The following C12orf42 variants were observed in gnomAD, a reference collection of about 807,000 sequenced individuals.
The protein encoded by C12orf42 is chromosome 12 open reading frame 42.
Under a neutral mutation model 21.6 loss-of-function variants are expected in C12orf42, and 25 were observed. The ratio of observed to expected loss-of-function variants is 1.16; its 90% confidence interval spans 0.84 to 1.62. The LOEUF (loss-of-function observed/expected upper bound fraction) is 1.62, where lower values mean the gene tolerates loss of function less well. Among genes scored for constraint, C12orf42 ranks in the 40% most tolerant of loss-of-function variants. The pLI, the probability that C12orf42 is intolerant of heterozygous loss-of-function variation, is 0.00. For missense variants in C12orf42, 483 were observed against 459.3 expected (o/e 1.05, Z -0.47); for synonymous variants, 174 against 175.0 (o/e 0.99, Z 0.05).
the C12orf42 span, among the ~76,000 whole-genome samples, chr12:103,097,049 A>G: frequency 6.6e-6 from 1 of 152,232 alleles, no homozygotes; most frequent in Non-Finnish European, 1.5e-5. Flanking sequence ...ACAGCCTGGC[A>G]AAATTACTGG....
exon 7 of C12orf42, chr12:103,268,807 G>A (rs967036017): frequency 6.6e-6 from 1 of 152,114 alleles, no homozygotes; most frequent in Non-Finnish European, 1.5e-5. Flanking sequence ...GAGAAAGCAT[G>A]CATGTGTCAC....
the C12orf42 span, among the ~76,000 whole-genome samples, chr12:103,191,768 A>AAAT: frequency 6.6e-6 from 1 of 151,232 alleles, no homozygotes; most frequent in Non-Finnish European, 1.5e-5. Context: ...AAAGAAAAGA[A>AAAT]AAGAAAATAT....
the C12orf42 span, among the ~76,000 whole-genome samples, chr12:103,126,502 T>C: frequency 6.6e-6 from 1 of 152,134 alleles, no homozygotes; most frequent in East Asian, 1.9e-4. Context: ...TCTATTAATG[T>C]CAGGAATAAG....
the C12orf42 span, among the ~76,000 whole-genome samples, chr12:103,083,586 C>CT: frequency 6.6e-6 from 1 of 152,052 alleles, no homozygotes; most frequent in Non-Finnish European, 1.5e-5. Flanking sequence ...AAAGCTTTTG[C>CT]TTTTCATCTC....
the C12orf42 span, among the ~76,000 whole-genome samples, chr12:103,098,461 A>G: frequency 6.6e-6 from 1 of 152,248 alleles, no homozygotes; most frequent in African/African-American, 2.4e-5. Flanking sequence ...TATTTTTTAA[A>G]AAAATAAAGA....
the C12orf42 span, among the ~76,000 whole-genome samples, chr12:103,226,512 C>T: frequency 6.6e-6 from 1 of 152,162 alleles, no homozygotes; most frequent in Non-Finnish European, 1.5e-5. Context: ...AGCCTAAATG[C>T]TTCTGATTTG....
intron 3 of C12orf42, among the ~76,000 whole-genome samples, chr12:103,374,891 C>A (rs1352812644): frequency 6.6e-6 from 1 of 152,288 alleles, no homozygotes; most frequent in African/African-American, 2.4e-5. Context: ...CTGATAAGGA[C>A]AATGCTCACT....
At chr12:103,324,401 C>G (rs1248330132) in intron 4 of C12orf42, among the ~76,000 whole-genome samples, 3 of 151,954 alleles carry the variant, frequency 2.0e-5, no homozygotes, top group Non-Finnish European at 4.4e-5. Flanking sequence ...CCGACTCACC[C>G]AAAAAAATTA....
the C12orf42 span, among the ~76,000 whole-genome samples, chr12:103,168,563 T>A: frequency 6.6e-6 from 1 of 152,200 alleles, no homozygotes; most frequent in Admixed American, 6.5e-5. Context: ...AGCTAAAATA[T>A]TATAAAACCA....
intron 3 of C12orf42, among the ~76,000 whole-genome samples, chr12:103,372,737 GT>G (rs2045365716): frequency 6.6e-6 from 1 of 152,128 alleles, no homozygotes; most frequent in African/African-American, 2.4e-5. Context: ...GTATGACAAA[GT>G]AGGAAAACTG....
At chr12:103,353,352 G>T (rs570372633) in intron 4 of C12orf42, among the ~76,000 whole-genome samples, 1 of 151,868 alleles carries the variant, frequency 6.6e-6, no homozygotes, top group Non-Finnish European at 1.5e-5. Flanking sequence ...GAGAGAAGGC[G>T]ACTGTGTTTT....
Position 103,306,278 on chromosome 12 carries a change from G to T in C12orf42, c.327C>A (p.Val109=). ...KRLLHTCQYI[V]PRCSVSTVSF... ...AAACTGTGCTTACAGAACACCTGGG[G>T]ACTATGTACTGGCAAGTATGAAGTA... is the stretch of plus-strand genomic sequence containing the variant. Residue 109 remains valine, a synonymous_variant, in exon 5 of 6, where the codon GTC becomes GTA. Coordinates refer to ENST00000548883, the MANE Select transcript of C12orf42 (RefSeq NM_198521.5). The T allele has an allele frequency of 6.2e-7, 1 of 1,613,704 alleles. No individual in the cohort carries two copies. The highest frequency in any genetic ancestry group is 8.5e-7 in the Non-Finnish European group (1 of 1,179,778).
At chr12:103,087,080 TTTTGTTTG>T in the C12orf42 span, among the ~76,000 whole-genome samples, 437 of 152,246 alleles carry the variant, frequency 2.9e-3, 2 homozygotes, top group African/African-American at 9.6e-3. Context: ...TTCTCTAGTT[TTTTGTTTG>T]TTTGTTTGTT....
At chr12:103,524,399 G>C in the C12orf42 span, among the ~76,000 whole-genome samples, 39 of 152,166 alleles carry the variant, frequency 2.6e-4, no homozygotes, top group Non-Finnish European at 4.9e-4. Flanking sequence ...GCAAAAAAAA[G>C]GGCCTGGTCA....
At chr12:103,386,200 G>A (rs1048917782) in intron 3 of C12orf42, among the ~76,000 whole-genome samples, 3 of 152,164 alleles carry the variant, frequency 2.0e-5, no homozygotes, top group African/African-American at 7.2e-5. Flanking sequence ...CAGGCTGTCT[G>A]ATCCTAGGGT....
chr12:103,423,449 G>A (rs1197957309), intron 2 of C12orf42, among the ~76,000 whole-genome samples: 1 of 152,168 alleles, frequency 6.6e-6, no homozygotes, highest in Non-Finnish European at 1.5e-5. Flanking sequence ...ATTCTATCAG[G>A]GGCTTGAATC....
intron 1 of C12orf42, among the ~76,000 whole-genome samples, chr12:103,480,386 C>T (rs910691495): frequency 1.3e-5 from 2 of 151,196 alleles, no homozygotes; most frequent in Non-Finnish European, 3.0e-5. Context: ...TTTCAAAGCA[C>T]AAACTTTTAT....
intron 4 of C12orf42, among the ~76,000 whole-genome samples, chr12:103,291,739 T>C (rs2036841196): frequency 6.6e-6 from 1 of 152,156 alleles, no homozygotes. Context: ...CTTTTACCAT[T>C]TTACCATATT....
chr12:103,169,357 C>T, the C12orf42 span, among the ~76,000 whole-genome samples: 1 of 151,652 alleles, frequency 6.6e-6, no homozygotes, highest in Non-Finnish European at 1.5e-5. Flanking sequence ...AGACCCATTC[C>T]GAACCTCTTC....
Sources: gnomAD v4.1 joint callset for allele counts (sites outside exome capture counted in the v4.1 genomes callset) on GRCh38, gnomAD v4.1.1 for gene constraint, MANE v1.5 for transcripts, NCBI Gene and HGNC (gene_info 2026-07-23, HGNC 2026-07-21) for gene names.